IL1RAPL1: variants seen among roughly 807,000 people sequenced by gnomAD.
IL1RAPL1 encodes interleukin-1 receptor accessory protein-like 1.
IL1RAPL1 carries 3 observed loss-of-function variants against 48.4 expected under a neutral mutation model. The observed-to-expected ratio is 0.06, with a 90% CI of 0.03 to 0.16. The LOEUF is 0.16. IL1RAPL1 is among the 10% of genes least tolerant of loss of function. IL1RAPL1 has a pLI of 1.00. For missense variants in IL1RAPL1, 349 were observed against 530.6 expected, an observed-to-expected ratio of 0.66 and a Z score of 3.36; for synonymous variants, 185 against 187.7, an observed-to-expected ratio of 0.99 and a Z score of 0.12.
intron 1 of IL1RAPL1, among the ~76,000 whole-genome samples, chrX:28,625,272 C>G (rs1934327202): frequency 9.0e-6 from 1 of 111,419 alleles, no homozygotes; most frequent in Non-Finnish European, 1.9e-5. Context: ...TTTTGACTTG[C>G]CAAACAGTGG....
intron 5 of IL1RAPL1, among the ~76,000 whole-genome samples, chrX:29,572,957 G>A (rs1351673806): frequency 8.9e-6 from 1 of 112,217 alleles, no homozygotes; most frequent in Non-Finnish European, 1.9e-5. Context: ...TGTTTGGGCT[G>A]CTATAACAAA....
intron 5 of IL1RAPL1, among the ~76,000 whole-genome samples, chrX:29,525,860 G>A (rs762628509): frequency 8.9e-6 from 1 of 112,217 alleles, no homozygotes; most frequent in South Asian, 3.7e-4. Context: ...CACACATGAA[G>A]CCCCTGACAT....
intron 5 of IL1RAPL1, among the ~76,000 whole-genome samples, chrX:29,666,310 G>A (rs1925997038): frequency 9.1e-6 from 1 of 110,212 alleles, no homozygotes; most frequent in South Asian, 3.8e-4. Context: ...GATGTATAAG[G>A]TAAAATAAAA....
At chrX:29,311,607 A>T (rs1006940715) in intron 3 of IL1RAPL1, among the ~76,000 whole-genome samples, 2 of 112,131 alleles carry the variant, frequency 1.8e-5, no homozygotes, top group African/African-American at 6.5e-5. Flanking sequence ...CTGAATAACA[A>T]TTTTTTTCAT....
chrX:29,507,369 T>TC (rs1351333494), intron 5 of IL1RAPL1, among the ~76,000 whole-genome samples: 3 of 143 alleles, frequency 0.021, no homozygotes, highest in Non-Finnish European at 0.026. Flanking sequence ...TTCTCTCCCC[T>TC]CCCTTCCCTC....
intron 5 of IL1RAPL1, among the ~76,000 whole-genome samples, chrX:29,648,081 A>G (rs189235432): frequency 1.8e-5 from 2 of 112,246 alleles, no homozygotes; most frequent in Admixed American, 1.9e-4. Context: ...AAAGGGGCCA[A>G]TTCAGCAAGA....
At chrX:28,735,789 A>T (rs1935815793) in intron 1 of IL1RAPL1, among the ~76,000 whole-genome samples, 1 of 111,550 alleles carries the variant, frequency 9.0e-6, no homozygotes, top group Admixed American at 9.6e-5. Context: ...AAAATTAAAA[A>T]AAAAATTAGA....
intron 2 of IL1RAPL1, among the ~76,000 whole-genome samples, chrX:29,032,781 A>G (rs751545644): frequency 8.9e-6 from 1 of 112,844 alleles, no homozygotes; most frequent in African/African-American, 3.2e-5. Flanking sequence ...ATACAGAGAC[A>G]CAAAGGCTTA....
intron 5 of IL1RAPL1, among the ~76,000 whole-genome samples, chrX:29,562,217 C>T (rs991559534): frequency 2.8e-5 from 3 of 106,937 alleles, no homozygotes; most frequent in Non-Finnish European, 5.8e-5. Context: ...CCAGGCTGGT[C>T]TCAAACTCCT....
intron 6 of IL1RAPL1, among the ~76,000 whole-genome samples, chrX:29,806,197 G>A (rs752397432): frequency 9.0e-6 from 1 of 110,549 alleles, no homozygotes; most frequent in Non-Finnish European, 1.9e-5. Context: ...ATGTACATGT[G>A]AGCACACGGG....
At chrX:28,999,886 C>A (rs1925809568) in intron 2 of IL1RAPL1, among the ~76,000 whole-genome samples, 1 of 111,646 alleles carries the variant, frequency 9.0e-6, no homozygotes, top group Admixed American at 9.6e-5. Flanking sequence ...TTCAACAAGG[C>A]CTGTTTTCAA....
intron 2 of IL1RAPL1, among the ~76,000 whole-genome samples, chrX:29,255,741 T>G (rs1931746216): frequency 9.0e-6 from 1 of 111,139 alleles, no homozygotes; most frequent in Admixed American, 9.6e-5. Context: ...TTAATTCGCT[T>G]AGGTGATGGC....
chrX:29,816,516 C>T (rs1445500613), intron 6 of IL1RAPL1, among the ~76,000 whole-genome samples: 1 of 109,702 alleles, frequency 9.1e-6, no homozygotes, highest in Non-Finnish European at 1.9e-5. Context: ...GCTACCATTT[C>T]TACTGAAACT....
chrX:29,263,181 G>A (rs748304751), intron 2 of IL1RAPL1, among the ~76,000 whole-genome samples: 82 of 111,619 alleles, frequency 7.3e-4, no homozygotes, highest in South Asian at 1.9e-3. Flanking sequence ...CCTCCTATTA[G>A]AGAGTGAGTT....
At chrX:29,587,968 T>C (rs1923238524) in intron 5 of IL1RAPL1, among the ~76,000 whole-genome samples, 1 of 112,486 alleles carries the variant, frequency 8.9e-6, no homozygotes, top group Non-Finnish European at 1.9e-5. Context: ...ATCCACCCAG[T>C]GCTACTATTT....
At chrX:29,809,568 T>C (rs1434355475) in intron 6 of IL1RAPL1, among the ~76,000 whole-genome samples, 1 of 111,291 alleles carries the variant, frequency 9.0e-6, no homozygotes, top group African/African-American at 3.3e-5. Context: ...ATTTTAGTCA[T>C]CTTTTTTTTT....
chrX:29,126,338 A>G (rs1371756282), intron 2 of IL1RAPL1, among the ~76,000 whole-genome samples: 1 of 112,280 alleles, frequency 8.9e-6, no homozygotes, highest in Admixed American at 9.5e-5. Context: ...AAAGTCTGTG[A>G]TTAATTTTTC....
At chrX:29,515,103 T>C (rs1157673803) in intron 5 of IL1RAPL1, among the ~76,000 whole-genome samples, 1 of 112,479 alleles carries the variant, frequency 8.9e-6, no homozygotes, top group Non-Finnish European at 1.9e-5. Context: ...GGTGAAGACA[T>C]GAATTTGATG....
chrX:29,338,773 CTT>C (rs752647096), intron 3 of IL1RAPL1, among the ~76,000 whole-genome samples: 50 of 111,116 alleles, frequency 4.5e-4, no homozygotes, highest in Non-Finnish European at 7.0e-4. Flanking sequence ...CCTGTGGTAA[CTT>C]TATTATCTGT....
Sources: gnomAD v4.1 joint callset for allele counts (sites outside exome capture counted in the v4.1 genomes callset) on GRCh38, gnomAD v4.1.1 for gene constraint, MANE v1.5 for transcripts, NCBI Gene and HGNC (gene_info 2026-07-23, HGNC 2026-07-21) for gene names.